CCND3: variants seen among roughly 807,000 people sequenced by gnomAD.
CCND3 encodes the protein G1/S-specific cyclin-D3.
In CCND3, 9 loss-of-function variants were observed where a neutral mutation model predicts 28.7. That is an observed-to-expected ratio of 0.31 (90% CI 0.19 to 0.55). The LOEUF is 0.55. CCND3 is among the 20% of genes least tolerant of loss of function. The pLI is 0.93. For missense variants in CCND3, 315 were observed against 385.8 expected, an observed-to-expected ratio of 0.82 and a Z score of 1.54; for synonymous variants, 164 against 163.9, an observed-to-expected ratio of 1.00 and a Z score of 0.00.
chr6:41,981,425 G>C (rs914444715), intron 1 of CCND3, among the ~76,000 whole-genome samples: 1 of 151,388 alleles, frequency 6.6e-6, no homozygotes, highest in Non-Finnish European at 1.5e-5. Context: ...GGCTGGTCTG[G>C]AGCTCCTGAC....
At chr6:41,960,708 G>A (rs965457073) in intron 1 of CCND3, among the ~76,000 whole-genome samples, 2 of 152,200 alleles carry the variant, frequency 1.3e-5, no homozygotes. Flanking sequence ...GGTACATGGT[G>A]GATGGATGGA....
At chr6:42,018,576 A>G (rs1016360276) in intron 1 of CCND3, 6 of 152,036 alleles carry the variant, frequency 3.9e-5, no homozygotes, top group Admixed American at 2.0e-4. Flanking sequence ...CTTTAGTTTT[A>G]TATACCTGAC....
chr6:41,944,839 A>T (rs991043884), upstream of CCND3, among the ~76,000 whole-genome samples: 1 of 152,128 alleles, frequency 6.6e-6, no homozygotes, highest in East Asian at 1.9e-4. Flanking sequence ...TTTAGGAGAG[A>T]TACTTCTGCC....
chr6:41,973,354 C>T (rs935386888), intron 1 of CCND3, among the ~76,000 whole-genome samples: 10 of 152,170 alleles, frequency 6.6e-5, no homozygotes, highest in African/African-American at 1.9e-4. Context: ...CCTGCCATTT[C>T]TCTTTTTTAA....
chr6:42,036,404 T>TATATATATATA (rs1554168369), intron 1 of CCND3, among the ~76,000 whole-genome samples: 6 of 20,990 alleles, frequency 2.9e-4, no homozygotes, highest in Admixed American at 1.4e-3. Context: ...TATATATATA[T>TATATATATATA]TTTTTTTTTT....
At chr6:42,006,930 A>G (rs1763194359) in intron 1 of CCND3, among the ~76,000 whole-genome samples, 1 of 152,088 alleles carries the variant, frequency 6.6e-6, no homozygotes, top group South Asian at 2.1e-4. Flanking sequence ...AGAAAAATTA[A>G]GTAGGCGAAT....
chr6:42,000,233 AC>A (rs1561980612), intron 1 of CCND3, among the ~76,000 whole-genome samples: 1 of 31,234 alleles, frequency 3.2e-5, no homozygotes, highest in African/African-American at 1.2e-4. Flanking sequence ...TTGAAAACAT[AC>A]TTTTTTTTTT....
chr6:41,951,565 C>CAA lies in CCND3; in HGVS notation c.-45-10981_-45-10980insTT, dbSNP rs1248664090. Reference sequence around the variant, plus strand: ...CGACACACACACACACACACACACACACACACACACAAAAAAAAAGATTAA... The same window carrying CAA: ...CGACACACACACACACACACACACACAAACACACACACAAAAAAAAAGATTAA... On this transcript the variant is annotated intron_variant, in intron 1 of 4. Coordinates refer to the CCND3 transcript ENST00000372988. 1.6e-3 allele frequency among the ~76,000 whole-genome samples: 75 copies of CAA among 47,480 alleles called. 7 individuals carry two copies. Among genetic ancestry groups the CAA allele is most frequent in the Middle Eastern group, 9.3e-3 (1 of 108 alleles). 31.1% of individuals were successfully genotyped at this position (47,480 alleles called of 152,430 possible).
intron 1 of CCND3, among the ~76,000 whole-genome samples, chr6:42,032,660 G>A (rs1248716883): frequency 6.6e-6 from 1 of 152,154 alleles, no homozygotes; most frequent in African/African-American, 2.4e-5. Flanking sequence ...TTCTTCTCTG[G>A]CTGTTGGGTG....
chr6:41,982,701 C>CA (rs1188041900), intron 1 of CCND3, among the ~76,000 whole-genome samples: 5 of 152,038 alleles, frequency 3.3e-5, no homozygotes, highest in African/African-American at 1.2e-4. Context: ...CAACAGTAAT[C>CA]ACGACAGTGT....
At chr6:42,028,494 C>T (rs941421456) in intron 1 of CCND3, among the ~76,000 whole-genome samples, 7 of 152,212 alleles carry the variant, frequency 4.6e-5, no homozygotes, top group Admixed American at 1.3e-4. Context: ...CCACGGTCAC[C>T]GTTGCCACAC....
Position 42,007,648 on chromosome 6 carries a change from A to T in CCND3, c.-46+40853T>A, listed in dbSNP as rs549100390. ...TGTCCATACATAGGCGGGCTTATAAAATTAGGTGACGTAAAAAATTTCAGG... is the reference window on the plus strand; with the variant it reads ...TGTCCATACATAGGCGGGCTTATAATATTAGGTGACGTAAAAAATTTCAGG... On this transcript the variant is annotated intron_variant, in intron 1 of 4. Transcript: ENST00000372988. 4.8e-4 allele frequency among the ~76,000 whole-genome samples: 73 copies of T among 152,214 alleles called. 1 individual carries two copies. The highest frequency in any genetic ancestry group is 8.2e-4 in the Non-Finnish European group (56 of 68,044).
chr6:41,999,482 G>T lies in CCND3; in HGVS notation c.-46+49019C>A, dbSNP rs1440180508. Among the ~76,000 whole-genome samples, 8 of 152,214 alleles carry T rather than the reference G, an allele frequency of 5.3e-5. No individual in the cohort carries two copies. In the East Asian group the frequency reaches 1.5e-3, roughly 29 times the overall value. On this transcript the variant is annotated intron_variant, in intron 1 of 4. Coordinates refer to the CCND3 transcript ENST00000372988. ...GCCTCCCAAAGTGCTGGGATTACAG[G>T]CATGAGCCACCGTGCCTGGCCGATA...
intron 1 of CCND3, among the ~76,000 whole-genome samples, chr6:41,994,472 C>A (rs1307013222): frequency 6.6e-6 from 1 of 152,076 alleles, no homozygotes; most frequent in Non-Finnish European, 1.5e-5. Context: ...TAGGGGAAAG[C>A]ATGAGACAAA....
intron 1 of CCND3, among the ~76,000 whole-genome samples, chr6:42,047,737 C>G (rs1764587864): frequency 6.6e-6 from 1 of 152,188 alleles, no homozygotes; most frequent in South Asian, 2.1e-4. Context: ...GTGTCCAACA[C>G]CACAGCTGGG....
chr6:41,940,626 G>A (rs201517391), intron 1 of CCND3, 41 bp from the exon 2 acceptor site: 41 of 1,473,146 alleles, frequency 2.8e-5, no homozygotes, highest in East Asian at 2.3e-5. Context: ...CTGGAGCGTG[G>A]GGAACACAGC....
At chr6:42,033,602 CT>C (rs1327137853) in intron 1 of CCND3, among the ~76,000 whole-genome samples, 2 of 151,912 alleles carry the variant, frequency 1.3e-5, no homozygotes, top group Non-Finnish European at 2.9e-5. Flanking sequence ...AATCCCAGCA[CT>C]TTGGGAGGCT....
In CCND3 at chr6:41,935,695, T is replaced by C. The variant is rs1202861621; in HGVS notation, c.*245A>G. The C allele has an allele frequency of 1.1e-5, 6 of 527,990 alleles. No homozygotes were observed. The highest frequency in any genetic ancestry group is 3.8e-5 in the African/African-American group (2 of 52,572). 32.7% of individuals were successfully genotyped at this position (527,990 alleles called of 1,614,324 possible). A position where few individuals can be genotyped will look rare whatever the true frequency, so the allele number is the denominator to read the frequency against. The stretch of plus-strand genomic sequence containing the variant: ...CAGCCTGGCCCACCCCCAGCTAGAG[T>C]TGGGAAAGGCGCTGCTGGTCAGATG... On this transcript the variant is annotated 3_prime_UTR_variant, in exon 5 of 5. Transcript: ENST00000372991.
At position 41,979,150 on chromosome 6, in the gene CCND3, A is replaced by G. The variant is rs899113883; in HGVS notation, c.-45-38565T>C. On this transcript the variant is annotated intron_variant, in intron 1 of 4. Transcript: ENST00000372988. ...CACACCATTGCACTTCAGCCTGGGC[A>G]GTAAGAGCAAAACTCTGTCTCAAAA... 2.2e-5 allele frequency among the ~76,000 whole-genome samples: 3 copies of G among 138,858 alleles called. No homozygotes were observed. In the South Asian group the frequency reaches 7.5e-4, roughly 35 times the overall value. The allele number at this position is 138,858 out of a possible 152,430, so 91.1% of individuals were successfully genotyped here. A position where few individuals can be genotyped will look rare whatever the true frequency, so the allele number is the denominator to read the frequency against.
Sources: gnomAD v4.1 joint callset for allele counts (sites outside exome capture counted in the v4.1 genomes callset) on GRCh38, gnomAD v4.1.1 for gene constraint, MANE v1.5 for transcripts, NCBI Gene and HGNC (gene_info 2026-07-23, HGNC 2026-07-21) for gene names.